ST7: variants seen among roughly 807,000 people sequenced by gnomAD.
The protein encoded by ST7 is suppression of tumorigenicity 7, also known as suppressor of tumorigenicity 7 protein.
Under a neutral mutation model 78.7 loss-of-function variants are expected in ST7, and 28 were observed. The ratio of observed to expected loss-of-function variants is 0.36; its 90% confidence interval spans 0.26 to 0.49. The LOEUF (loss-of-function observed/expected upper bound fraction) is 0.49, where lower values mean the gene tolerates loss of function less well. ST7 is among the 20% of genes least tolerant of loss of function. ST7 has a pLI of 0.99. For synonymous variants in ST7, 247 were observed against 249.6 expected, an observed-to-expected ratio of 0.99 and a Z score of 0.10; for missense variants, 418 against 696.0, an observed-to-expected ratio of 0.60 and a Z score of 4.49.
At chr7:117,203,555 A>AT (rs760682800) in intron 12 of ST7, among the ~76,000 whole-genome samples, 12 of 151,568 alleles carry the variant, frequency 7.9e-5, no homozygotes, top group Non-Finnish European at 1.8e-4. Context: ...CCCCCTCCTC[A>AT]TTTTTTCAGT....
chr7:117,189,229 ACT>A (rs1809554933), intron 10 of ST7, 90 bp from the exon 11 acceptor site: 12 of 780,812 alleles, frequency 1.5e-5, no homozygotes, highest in Middle Eastern at 2.8e-4. Flanking sequence ...GCTTTATTGC[ACT>A]TAAACGTGAT....
chr7:117,071,228 A>G (rs1798938599), intron 1 of ST7, among the ~76,000 whole-genome samples: 1 of 151,262 alleles, frequency 6.6e-6, no homozygotes, highest in African/African-American at 2.5e-5. Context: ...GTCTCAAAAC[A>G]AAAACAAAAA....
At chr7:116,992,955 C>T (rs566445542) in intron 1 of ST7, among the ~76,000 whole-genome samples, 9 of 152,312 alleles carry the variant, frequency 5.9e-5, no homozygotes, top group South Asian at 4.1e-4. Flanking sequence ...TAATAAGAGT[C>T]GCCTTTGCTC....
In ST7 at chr7:116,990,213, G is replaced by A. The variant is rs1794364544; in HGVS notation, c.151+36522G>A. Among the ~76,000 whole-genome samples the A allele has an allele frequency of 2.6e-5, 4 of 152,308 alleles. No homozygotes were observed. The South Asian group carries it at 8.3e-4, about 32-fold the overall frequency. On this transcript the variant is annotated intron_variant, in intron 1 of 15. Transcript: ENST00000323984. ...GGCCTCCCAAAGTGCTGAGATTACA[G>A]GTGTGAGCCACCACGCCCGGCCGGT...
chr7:117,018,344 C>T (rs974157036), intron 1 of ST7, among the ~76,000 whole-genome samples: 4 of 152,168 alleles, frequency 2.6e-5, no homozygotes, highest in African/African-American at 4.8e-5. Flanking sequence ...TTTCCCACTT[C>T]CTACAGTTAC....
At chr7:117,128,262 G>C (rs1804024752) in intron 3 of ST7, 1 of 151,868 alleles carries the variant, frequency 6.6e-6, no homozygotes, top group South Asian at 2.1e-4. Context: ...AGTTATAATA[G>C]CCATAAGAGC....
chr7:117,084,932 A>G (rs932840298), intron 1 of ST7, among the ~76,000 whole-genome samples: 1 of 152,132 alleles, frequency 6.6e-6, no homozygotes, highest in Non-Finnish European at 1.5e-5. Flanking sequence ...AATCAGTTTT[A>G]GGTTGTCATT....
intron 15 of ST7, chr7:117,222,834 G>A: frequency 1.3e-6 from 2 of 1,562,748 alleles, no homozygotes; most frequent in Non-Finnish European, 8.8e-7. Context: ...TTTCTAACTT[G>A]GCTGGGTTGA....
intron 9 of ST7, among the ~76,000 whole-genome samples, chr7:117,161,752 A>G (rs1661532992): frequency 1.3e-5 from 2 of 151,966 alleles, no homozygotes; most frequent in South Asian, 4.1e-4. Flanking sequence ...GGTGTGAGCC[A>G]TCACATCCAG....
intron 5 of ST7, among the ~76,000 whole-genome samples, chr7:117,131,516 A>C (rs567489901): frequency 6.6e-6 from 1 of 151,894 alleles, no homozygotes; most frequent in African/African-American, 2.4e-5. Context: ...AAAATGACCA[A>C]TTATGTTGTA....
In ST7 at chr7:117,035,964, A is replaced by C. The variant is rs193172525; in HGVS notation, c.152-63798A>C. Reference sequence around the variant, plus strand: ...ATTGGGAATTCTTGAGAAGTATACAAGAAGTTTATAGCTTTATTACTATTT... The same window carrying C: ...ATTGGGAATTCTTGAGAAGTATACACGAAGTTTATAGCTTTATTACTATTT... On this transcript the variant is annotated intron_variant, in intron 1 of 15. Transcript: ENST00000323984. Among the ~76,000 whole-genome samples the C allele has an allele frequency of 1.5e-3, 224 of 152,322 alleles. 5 individuals are homozygous for C. The highest frequency in any genetic ancestry group is 0.015 in the Admixed American group (222 of 15,294).
At chr7:116,967,292 C>A (rs776715098) in intron 1 of ST7, 4 of 470,996 alleles carry the variant, frequency 8.5e-6, no homozygotes, top group Non-Finnish European at 1.8e-5. Flanking sequence ...CTCACATACC[C>A]GCAGTGGTGG....
At chr7:117,195,486 A>C (rs1563158657) in intron 12 of ST7, among the ~76,000 whole-genome samples, 1 of 152,288 alleles carries the variant, frequency 6.6e-6, no homozygotes, top group African/African-American at 2.4e-5. Context: ...ATAAAGACAT[A>C]CTCAAGACTA....
rs1792949912 is a variant in ST7, at chr7:117,219,767, T to A, written c.1498+591T>A. On this transcript the variant is annotated intron_variant, in intron 14 of 15. Coordinates refer to ENST00000323984, the MANE Select transcript of ST7 (RefSeq NM_001369598.1). This position sits in a 1 kb window ranked among gnomAD's most constrained non-coding sequence, Gnocchi z 5.1. ...CAGAGCACACGTGTAGCCTCAGCACTGTATGAAAGCACACAAAAGAAAACC... is the reference window on the plus strand; with the variant it reads ...CAGAGCACACGTGTAGCCTCAGCACAGTATGAAAGCACACAAAAGAAAACC... Among the ~76,000 whole-genome samples the A allele has an allele frequency of 6.6e-6, 1 of 152,238 alleles. No individual in the cohort carries two copies. Among genetic ancestry groups the A allele is most frequent in the Non-Finnish European group, 1.5e-5 (1 of 68,030 alleles).
chr7:117,007,081 A>G (rs1289898957), intron 1 of ST7, among the ~76,000 whole-genome samples: 1 of 152,246 alleles, frequency 6.6e-6, no homozygotes, highest in Admixed American at 6.5e-5. Flanking sequence ...AGTGAAAGGA[A>G]GAGTCATATG....
At chr7:117,128,532 G>C (rs997744631) in intron 3 of ST7, among the ~76,000 whole-genome samples, 2 of 151,848 alleles carry the variant, frequency 1.3e-5, no homozygotes, top group Non-Finnish European at 2.9e-5. Context: ...TATAAATATT[G>C]TGTAAATTTT....
chr7:117,131,405 C>T (rs1009645735), intron 5 of ST7, among the ~76,000 whole-genome samples: 2 of 151,788 alleles, frequency 1.3e-5, no homozygotes, highest in Non-Finnish European at 2.9e-5. Context: ...TATAAGTACA[C>T]ATGTTAAGCA....
intron 1 of ST7, among the ~76,000 whole-genome samples, chr7:117,090,234 G>C (rs1298093322): frequency 7.0e-6 from 1 of 142,222 alleles, no homozygotes; most frequent in Non-Finnish European, 1.5e-5. Context: ...TCTAAGGATA[G>C]AAACACACAC....
chr7:117,013,620 G>T (rs1795473470), intron 1 of ST7, among the ~76,000 whole-genome samples: 1 of 152,212 alleles, frequency 6.6e-6, no homozygotes, highest in Non-Finnish European at 1.5e-5. Context: ...CTAAGGTTAG[G>T]AGTTCGAGAT....
Sources: allele counts gnomAD v4.1 joint callset (sites outside exome capture counted in the v4.1 genomes callset), GRCh38; gene constraint gnomAD v4.1.1; non-coding constraint Gnocchi (gnomAD v3.1); transcripts MANE v1.5; gene names NCBI Gene and HGNC (gene_info 2026-07-23, HGNC 2026-07-21).